Variants in MYPOP observed in about 807,000 individuals in gnomAD.
MYPOP encodes the protein Myb related transcription factor, partner of profilin, also known as myb-related transcription factor, partner of profilin.
In MYPOP, 21 loss-of-function variants were observed where a neutral mutation model predicts 25.7. The observed-to-expected ratio is 0.82, with a 90% CI of 0.58 to 1.18. The LOEUF is 1.18. Ranked by LOEUF, MYPOP falls within the 50% of genes most tolerant of loss-of-function variation. The pLI is 0.00. For missense variants in MYPOP, 566 were observed against 588.3 expected (o/e 0.96, Z 0.39); for synonymous variants, 280 against 247.9 (o/e 1.13, Z -1.22).
rs1392063951 is a variant in MYPOP, at chr19:45,890,791, C to A, written c.1032G>T (p.Val344=). The part of the protein sequence containing the change: ...TPEPVSVVAA[V]VDGAVVAARG... ...TGGCTGCCACCACTGCCCCGTCCAC[C>A]ACAGCAGCCACCACGGACACGGGCT... The change falls in exon 3 of 3, where the codon GTG becomes GTT. Residue 344 remains valine (V), a synonymous_variant. Coordinates refer to ENST00000322217, the MANE Select transcript of MYPOP (RefSeq NM_001012643.4). 4 of 1,501,854 alleles carry A rather than the reference C, an allele frequency of 2.7e-6. No homozygotes were observed. In the South Asian group the frequency reaches 3.9e-5, roughly 15 times the overall value. The allele number at this position is 1,501,854 out of a possible 1,614,324, so 93.0% of individuals were successfully genotyped here.
intron 2 of MYPOP, among the ~76,000 whole-genome samples, chr19:45,899,272 T>C (rs1051723356): frequency 2.0e-5 from 3 of 152,068 alleles, no homozygotes; most frequent in African/African-American, 4.8e-5. Context: ...GTCGGTTCCA[T>C]AAGGGAAGGG....
Position 45,901,368 on chromosome 19 carries a change from G to A in MYPOP, c.406C>T (p.Pro136Ser). Residue 136 changes from proline to serine, a missense_variant, in exon 2 of 3, where the codon CCC (proline) becomes TCC (serine). Transcript: ENST00000322217. The surrounding 1 kb of genome is among the most constrained non-coding windows in gnomAD (Gnocchi z 5.7). ...GGCTGTGAAGAGGGGGCCGCAGGGG[G>A]CTCCTCCGCCCCAGCACCTGCCCCC... ...APGAGAGAEE[P>S]PAAPSSQPPP... The A allele has an allele frequency of 6.8e-7, 1 of 1,476,028 alleles. No homozygotes were observed. 91.4% of individuals were successfully genotyped at this position (1,476,028 alleles called of 1,614,324 possible). A position where few individuals can be genotyped will look rare whatever the true frequency, so the allele number is the denominator to read the frequency against.
At chr19:45,893,185 G>T (rs1430386806) in intron 2 of MYPOP, among the ~76,000 whole-genome samples, 2 of 152,198 alleles carry the variant, frequency 1.3e-5, no homozygotes, top group African/African-American at 4.8e-5. Context: ...TGAGACAGGA[G>T]AATCGCTTGA....
chr19:45,899,543 T>C (rs1280887168), intron 2 of MYPOP, among the ~76,000 whole-genome samples: 8 of 151,854 alleles, frequency 5.3e-5, no homozygotes, highest in Non-Finnish European at 5.9e-5. Context: ...CTGAATGCCC[T>C]CAAGAGCAAG....
chr19:45,893,673 A>C (rs184567959), intron 2 of MYPOP, among the ~76,000 whole-genome samples: 20 of 152,034 alleles, frequency 1.3e-4, no homozygotes, highest in African/African-American at 4.8e-4. Flanking sequence ...GGGATGGCTA[A>C]GAGGTGCAGG....
In MYPOP at chr19:45,901,690, C is replaced by T; in HGVS notation, c.84G>A (p.Leu28=). ...PRFSFEENQI[L]IREVRAHYPQ... is the part of the protein sequence containing the mutation. ...GGTAGTGGGCGCGCACCTCGCGGAT[C>T]AGGATCTGGTTCTCTTCGAATGAGA... Residue 28 remains leucine, a synonymous_variant, in exon 2 of 3, where the codon CTG becomes CTA. Transcript: ENST00000322217. The surrounding 1 kb of genome is among the most constrained non-coding windows in gnomAD (Gnocchi z 5.7). The T allele has an allele frequency of 1.2e-6, 2 of 1,607,780 alleles. No individual in the cohort carries two copies. Among genetic ancestry groups the T allele is most frequent in the Non-Finnish European group, 1.7e-6 (2 of 1,178,386 alleles).
chr19:45,893,206 C>T (rs913371761), intron 2 of MYPOP, among the ~76,000 whole-genome samples: 2 of 151,742 alleles, frequency 1.3e-5, no homozygotes, highest in South Asian at 4.2e-4. Context: ...ACCCGGGAGG[C>T]GGAGGTTGCA....
At chr19:45,898,890 G>A (rs1275749209) in intron 2 of MYPOP, among the ~76,000 whole-genome samples, 1 of 152,112 alleles carries the variant, frequency 6.6e-6, no homozygotes, top group Non-Finnish European at 1.5e-5. Context: ...TATACAGTCT[G>A]TTTTGGGACT....
At position 45,890,431 on chromosome 19, in the gene MYPOP, G is replaced by A. The variant is rs1443949370; in HGVS notation, c.*192C>T. 3.6e-6 allele frequency: 3 copies of A among 833,980 alleles called. No homozygotes were observed. In the East Asian group the frequency reaches 9.1e-5, roughly 25 times the overall value. The allele number at this position is 833,980 out of a possible 1,614,324, so 51.7% of individuals were successfully genotyped here. ...CAGCCAGGCAGACAGCACTGTACCA[G>A]AGAAAGGGGTTGGGGGGGCCCATTA... On this transcript the variant is annotated 3_prime_UTR_variant, in exon 3 of 3. Transcript: ENST00000322217.
At chr19:45,899,858 A>G (rs1967262050) in intron 2 of MYPOP, among the ~76,000 whole-genome samples, 3 of 151,988 alleles carry the variant, frequency 2.0e-5, no homozygotes. Flanking sequence ...AAAACAAAAC[A>G]AAAAAAATAG....
At chr19:45,892,604 T>C (rs1967142101) in intron 2 of MYPOP, among the ~76,000 whole-genome samples, 1 of 151,676 alleles carries the variant, frequency 6.6e-6, no homozygotes, top group South Asian at 2.1e-4. Flanking sequence ...TCCCCCACCC[T>C]GCTCCTTCCT....
chr19:45,898,363 C>A (rs1967237655), intron 2 of MYPOP, among the ~76,000 whole-genome samples: 1 of 150,776 alleles, frequency 6.6e-6, no homozygotes, highest in Admixed American at 6.6e-5. Flanking sequence ...GCTCTTGTTG[C>A]CCAGGCTGAA....
At chr19:45,900,932 T>C (rs1013128429) in intron 2 of MYPOP, among the ~76,000 whole-genome samples, 1 of 152,148 alleles carries the variant, frequency 6.6e-6, no homozygotes, top group Non-Finnish European at 1.5e-5. Flanking sequence ...TACAGTAACT[T>C]ACTCAGATGA....
intron 2 of MYPOP, among the ~76,000 whole-genome samples, chr19:45,900,302 T>G (rs750548930): frequency 2.0e-5 from 3 of 152,212 alleles, no homozygotes; most frequent in Non-Finnish European, 4.4e-5. Context: ...CCGCAACTTC[T>G]TTTAGTTTCC....
intron 2 of MYPOP, among the ~76,000 whole-genome samples, chr19:45,898,103 T>C (rs190597559): frequency 6.6e-6 from 1 of 152,066 alleles, no homozygotes; most frequent in East Asian, 1.9e-4. Flanking sequence ...TTTGTATTTT[T>C]TAGTAGAGAC....
Position 45,901,521 on chromosome 19 carries a change from G to A in MYPOP, c.253C>T (p.Arg85Cys), listed in dbSNP as rs1600573455. The change falls in exon 2 of 3, where the codon CGC (arginine) becomes TGC (cysteine). Residue 85 changes from arginine (R) to cysteine (C), a missense_variant. Arg to Cys is a radical substitution (Grantham distance 180, BLOSUM62 -3). Coordinates refer to ENST00000322217, the MANE Select transcript of MYPOP (RefSeq NM_001012643.4). This position sits in a 1 kb window ranked among gnomAD's most constrained non-coding sequence, Gnocchi z 5.7. Reference sequence around the variant, plus strand: ...CGAGCGAGCTTCTCCTTGGTGCGGCGCTTGAAGTCGTTCCAGCGCTTCTGC... The same window carrying A: ...CGAGCGAGCTTCTCCTTGGTGCGGCACTTGAAGTCGTTCCAGCGCTTCTGC... ...EVQKRWNDFK[R>C]RTKEKLARVP... The A allele has an allele frequency of 6.2e-7, 1 of 1,611,818 alleles. No individual in the cohort carries two copies. The highest frequency in any genetic ancestry group is 8.5e-7 in the Non-Finnish European group (1 of 1,179,492).
At chr19:45,891,837 C>T (rs2146375025) in intron 2 of MYPOP, among the ~76,000 whole-genome samples, 1 of 152,172 alleles carries the variant, frequency 6.6e-6, no homozygotes, top group East Asian at 1.9e-4. Context: ...GTCCTGCCAG[C>T]TTTAGTGGAA....
At chr19:45,894,563 G>A (rs1001296159) in intron 2 of MYPOP, among the ~76,000 whole-genome samples, 3 of 149,732 alleles carry the variant, frequency 2.0e-5, no homozygotes, top group Non-Finnish European at 4.4e-5. Flanking sequence ...ACAGAGGTGC[G>A]ACCCCACACC....
At chr19:45,891,353 G>A (rs781604965) in intron 2 of MYPOP, 30 bp from the exon 3 acceptor site, 5 of 1,438,118 alleles carry the variant, frequency 3.5e-6, no homozygotes, top group Non-Finnish European at 1.8e-6. Flanking sequence ...GGTAAGGGGT[G>A]AGCGACCCTC....
Sources: allele counts gnomAD v4.1 joint callset (sites outside exome capture counted in the v4.1 genomes callset), GRCh38; gene constraint gnomAD v4.1.1; non-coding constraint Gnocchi (gnomAD v3.1); transcripts MANE v1.5; gene names NCBI Gene and HGNC (gene_info 2026-07-23, HGNC 2026-07-21).